Variants in PTPN22 observed in about 807,000 individuals in gnomAD.
PTPN22 encodes protein tyrosine phosphatase non-receptor type 22, also known as tyrosine-protein phosphatase non-receptor type 22.
In PTPN22, 85 loss-of-function variants were observed where a neutral mutation model predicts 103.3. The observed-to-expected ratio is 0.82, with a 90% CI of 0.69 to 0.99. The LOEUF is 0.99. Ranked by LOEUF, PTPN22 falls within the 50% of genes least tolerant of loss-of-function variation. The pLI is 0.00. For missense variants in PTPN22, 865 were observed against 936.9 expected, an observed-to-expected ratio of 0.92 and a Z score of 1.00; for synonymous variants, 323 against 310.2, an observed-to-expected ratio of 1.04 and a Z score of -0.43.
At chr1:113,854,242 A>G (rs1664858795) in intron 9 of PTPN22, among the ~76,000 whole-genome samples, 1 of 152,140 alleles carries the variant, frequency 6.6e-6, no homozygotes, top group Non-Finnish European at 1.5e-5. Context: ...CCCAATATAT[A>G]TTGCATTTCT....
In PTPN22 at chr1:113,871,607, AT is replaced by A; in HGVS notation, c.16del (p.Ile6PhefsTer24). Reference sequence around the variant, plus strand: ...GGCCTCATCCAGGAACTTCTGCAGAATTTCTCTTTGGTCCATGCTGCAGAGC... The same window carrying A: ...GGCCTCATCCAGGAACTTCTGCAGAATTCTCTTTGGTCCATGCTGCAGAGC... On this transcript the variant is annotated frameshift_variant, in exon 1 of 21. Coordinates refer to ENST00000359785, the Ensembl canonical transcript of PTPN22. LOFTEE classifies it high-confidence loss of function. 6.2e-7 allele frequency: 1 copy of A among 1,613,974 alleles called. No individual in the cohort carries two copies. Among genetic ancestry groups the A allele is most frequent in the Non-Finnish European group, 8.5e-7 (1 of 1,179,898 alleles).
chr1:113,848,431 G>T, intron 11 of PTPN22, 109 bp downstream of exon 11: 10 of 1,489,196 alleles, frequency 6.7e-6, no homozygotes, highest in Non-Finnish European at 9.2e-6. Context: ...CACACCTGAC[G>T]CTCTCAATTT....
rs146727872 is a variant in PTPN22, at chr1:113,865,659, C to T, written c.87+5878G>A. Among the ~76,000 whole-genome samples the T allele has an allele frequency of 2.6e-4, 40 of 152,252 alleles. No homozygotes were observed. The East Asian group carries it at 7.3e-3, about 28-fold the overall frequency. ...TTGGTAATACTTAACCAATTAGATG[C>T]TAATAGTCTTTGACCCAGTAATAAC... is the stretch of plus-strand genomic sequence containing the variant. On this transcript the variant is annotated intron_variant, in intron 1 of 20. Transcript: ENST00000359785.
chr1:113,822,475 C>T (rs1162006449), intron 19 of PTPN22, among the ~76,000 whole-genome samples: 1 of 152,170 alleles, frequency 6.6e-6, no homozygotes, highest in Non-Finnish European at 1.5e-5. Flanking sequence ...CTGATCTTTC[C>T]AGCTTCGCCT....
At chr1:113,820,177 G>A (rs1218527716) in intron 19 of PTPN22, among the ~76,000 whole-genome samples, 1 of 151,954 alleles carries the variant, frequency 6.6e-6, no homozygotes, top group African/African-American at 2.4e-5. Context: ...CCCATAACCG[G>A]GCACGGTGAC....
chr1:113,858,681 C>A (rs1361417884), intron 3 of PTPN22, 108 bp from the exon 4 acceptor site: 94 of 784,754 alleles, frequency 1.2e-4, no homozygotes, highest in Non-Finnish European at 1.6e-5. Context: ...ACTGTGTTAC[C>A]CAGGCTGGAG....
chr1:113,857,377 A>G (rs74971912), intron 5 of PTPN22, among the ~76,000 whole-genome samples: 1,600 of 152,316 alleles, frequency 0.011, 29 homozygotes, highest in African/African-American at 0.037. Flanking sequence ...CATTAGCCAT[A>G]TTTTAAATGC....
chr1:113,856,859 T>C (rs1371669173), intron 5 of PTPN22: 2 of 485,282 alleles, frequency 4.1e-6, no homozygotes, highest in Non-Finnish European at 7.3e-6. Context: ...CTTTGACCTA[T>C]TTTTAGTATT....
chr1:113,862,398 A>G (rs1665692529), intron 1 of PTPN22, among the ~76,000 whole-genome samples: 1 of 152,198 alleles, frequency 6.6e-6, no homozygotes, highest in Non-Finnish European at 1.5e-5. Context: ...TGTGTGCTTG[A>G]TAAGCTAATA....
At chr1:113,842,575 G>A (rs1663650716) in intron 11 of PTPN22, among the ~76,000 whole-genome samples, 2 of 152,146 alleles carry the variant, frequency 1.3e-5, no homozygotes, top group Admixed American at 1.3e-4. Context: ...TTGGGAGGCT[G>A]AGGCAGGAGA....
chr1:113,837,926 C>T (rs775473567), exon 13 of PTPN22: 3 of 1,614,082 alleles, frequency 1.9e-6, no homozygotes, highest in Non-Finnish European at 1.7e-6. Flanking sequence ...GCTGAAGAAA[C>T]ATGCATTACT....
At chr1:113,831,634 G>A (rs961815476) in intron 16 of PTPN22, among the ~76,000 whole-genome samples, 3 of 151,630 alleles carry the variant, frequency 2.0e-5, no homozygotes, top group Admixed American at 1.3e-4. Flanking sequence ...TGAGTCATTG[G>A]TAGGCTGATC....
chr1:113,827,540 A>G (rs979623119), intron 18 of PTPN22, among the ~76,000 whole-genome samples: 3 of 152,184 alleles, frequency 2.0e-5, no homozygotes, highest in Non-Finnish European at 4.4e-5. Flanking sequence ...TGGATATAAC[A>G]TGATTTATGA....
intron 10 of PTPN22, among the ~76,000 whole-genome samples, chr1:113,850,193 T>C (rs1664438132): frequency 8.4e-6 from 1 of 119,304 alleles, no homozygotes; most frequent in Non-Finnish European, 1.6e-5. Context: ...TGAAACTCCA[T>C]CTCAAAAGAA....
rs540169511 is a variant in PTPN22, at chr1:113,816,182, G to A, written c.2360-1213C>T. ...CAAATGAGATATTTGTGTAAAAAGC[G>A]AATGGGGCAGGGTGCAGTGGCTCAT... On this transcript the variant is annotated intron_variant, in intron 20 of 20. Transcript: ENST00000359785. 3.7e-4 allele frequency among the ~76,000 whole-genome samples: 56 copies of A among 152,222 alleles called. 1 individual carries two copies. In the Middle Eastern group the frequency reaches 0.02, roughly 55 times the overall value.
At chr1:113,857,536 G>T in intron 5 of PTPN22, 1 of 522,620 alleles carries the variant, frequency 1.9e-6, no homozygotes, top group Non-Finnish European at 3.5e-6. Flanking sequence ...TAAAACATAG[G>T]GTCTACTGAG....
chr1:113,852,361 A>G (rs753958191), intron 9 of PTPN22, among the ~76,000 whole-genome samples: 5 of 152,180 alleles, frequency 3.3e-5, no homozygotes, highest in Non-Finnish European at 5.9e-5. Flanking sequence ...AACTATAGAT[A>G]TAACGAGGGA....
intron 11 of PTPN22, 47 bp from the exon 12 acceptor site, chr1:113,838,667 AATAAG>A (rs757874586): frequency 6.4e-7 from 1 of 1,568,944 alleles, no homozygotes; most frequent in Non-Finnish European, 8.6e-7. Flanking sequence ...AAGCAATGTC[AATAAG>A]ATATTTTAAT....
chr1:113,853,859 C>CTTTTTT (rs894010114), intron 9 of PTPN22, among the ~76,000 whole-genome samples: 29 of 67,150 alleles, frequency 4.3e-4, no homozygotes, highest in Non-Finnish European at 4.7e-4. Context: ...TTTTTTTTTG[C>CTTTTTT]TTTTTTTTTT....
Sources: allele counts gnomAD v4.1 joint callset (sites outside exome capture counted in the v4.1 genomes callset), GRCh38; gene constraint gnomAD v4.1.1; transcripts MANE v1.5; gene names NCBI Gene and HGNC (gene_info 2026-07-23, HGNC 2026-07-21).